Variants in RGS21 observed in about 807,000 individuals in gnomAD.
RGS21 encodes regulator of G protein signaling 21.
In RGS21, 19 loss-of-function variants were observed where a neutral mutation model predicts 18.7. That is an observed-to-expected ratio of 1.01 (90% CI 0.71 to 1.49). The LOEUF (loss-of-function observed/expected upper bound fraction) is 1.49, where lower values mean the gene tolerates loss of function less well. Ranked by LOEUF, RGS21 falls within the 40% of genes most tolerant of loss-of-function variation. The pLI, the probability that RGS21 is intolerant of heterozygous loss-of-function variation, is 0.00. For synonymous variants in RGS21, 56 were observed against 57.8 expected, an observed-to-expected ratio of 0.97 and a Z score of 0.14; for missense variants, 194 against 176.8, an observed-to-expected ratio of 1.10 and a Z score of -0.55.
chr1:192,326,234 A>G (rs1157220945), intron 1 of RGS21, among the ~76,000 whole-genome samples: 1 of 152,096 alleles, frequency 6.6e-6, no homozygotes, highest in Non-Finnish European at 1.5e-5. Context: ...ACTTAATGAT[A>G]TAAAAGTTAT....
At chr1:192,341,468 A>T (rs1332187767) in intron 1 of RGS21, among the ~76,000 whole-genome samples, 1 of 152,112 alleles carries the variant, frequency 6.6e-6, no homozygotes, top group African/African-American at 2.4e-5. Flanking sequence ...AGATACATTG[A>T]ATGCTATAAA....
intron 3 of RGS21, among the ~76,000 whole-genome samples, chr1:192,350,152 T>C (rs1302325307): frequency 6.6e-6 from 1 of 152,132 alleles, no homozygotes; most frequent in Non-Finnish European, 1.5e-5. Context: ...ATAGTGCTCA[T>C]ATATTAACTG....
intron 1 of RGS21, among the ~76,000 whole-genome samples, chr1:192,323,193 C>T (rs143583705): frequency 6.6e-6 from 1 of 152,102 alleles, no homozygotes; most frequent in Admixed American, 6.6e-5. Context: ...AAAGTGTAGT[C>T]ACTCCTTGTT....
rs577797080 is a variant in RGS21 at position 192,338,477 on chromosome 1, C to G, written c.-60-4500C>G. On this transcript the variant is annotated intron_variant, in intron 1 of 4. Transcript: ENST00000417209. The stretch of plus-strand genomic sequence containing the variant: ...AAACATAATATGGGCAAATAACGAT[C>G]AGTGCGATTTTGTGGTGAACTGTCG... 2.6e-5 allele frequency among the ~76,000 whole-genome samples: 4 copies of G among 152,188 alleles called. No homozygotes were observed. The South Asian group carries it at 8.3e-4, about 32-fold the overall frequency.
At chr1:192,347,532 A>T in intron 3 of RGS21, 143 bp downstream of exon 3, 1 of 522,230 alleles carries the variant, frequency 1.9e-6, no homozygotes, top group East Asian at 3.1e-5. Context: ...TAAAAATCCA[A>T]AATCTAAATA....
intron 1 of RGS21, among the ~76,000 whole-genome samples, chr1:192,334,448 A>G (rs1658734781): frequency 6.6e-6 from 1 of 152,158 alleles, no homozygotes; most frequent in Admixed American, 6.5e-5. Flanking sequence ...CTATTTCAGG[A>G]AGAATTAGAT....
chr1:192,323,104 T>C (rs1053730416), intron 1 of RGS21, among the ~76,000 whole-genome samples: 20 of 152,150 alleles, frequency 1.3e-4, no homozygotes, highest in African/African-American at 4.6e-4. Flanking sequence ...GAGACTTCAT[T>C]GTATTGACAC....
At chr1:192,323,366 G>A (rs1658521718) in intron 1 of RGS21, among the ~76,000 whole-genome samples, 1 of 152,144 alleles carries the variant, frequency 6.6e-6, no homozygotes, top group Non-Finnish European at 1.5e-5. Flanking sequence ...CCTTTAGAAA[G>A]GAAAGAGAAG....
chr1:192,347,573 G>T (rs1658971048), intron 3 of RGS21, among the ~76,000 whole-genome samples, 184 bp downstream of exon 3: 1 of 131,658 alleles, frequency 7.6e-6, no homozygotes. Flanking sequence ...TAAGTTTATA[G>T]GTTAACTCTG....
chr1:192,351,796 A>C, intron 3 of RGS21, among the ~76,000 whole-genome samples: 1 of 147,834 alleles, frequency 6.8e-6, no homozygotes, highest in Non-Finnish European at 1.5e-5. Context: ...ACACATATAT[A>C]GCACATATAA....
At chr1:192,348,593 G>A (rs1359651518) in intron 3 of RGS21, among the ~76,000 whole-genome samples, 1 of 151,922 alleles carries the variant, frequency 6.6e-6, no homozygotes, top group Non-Finnish European at 1.5e-5. Flanking sequence ...GGCAATTTTG[G>A]CCAATTATAA....
intron 3 of RGS21, among the ~76,000 whole-genome samples, chr1:192,350,684 G>A (rs1000437879): frequency 1.3e-5 from 2 of 152,168 alleles, no homozygotes; most frequent in Admixed American, 6.6e-5. Flanking sequence ...GACAGCCAGC[G>A]AAAGGGTGCA....
At chr1:192,334,078 T>C (rs1658729374) in intron 1 of RGS21, among the ~76,000 whole-genome samples, 1 of 152,190 alleles carries the variant, frequency 6.6e-6, no homozygotes, top group South Asian at 2.1e-4. Flanking sequence ...ATCATAATTA[T>C]AAAAAGATGT....
intron 4 of RGS21, among the ~76,000 whole-genome samples, chr1:192,360,288 G>T (rs1229536858): frequency 6.6e-6 from 1 of 151,948 alleles, no homozygotes; most frequent in Admixed American, 6.6e-5. Context: ...GTCATCTCTT[G>T]GTTCTTCTCT....
At chr1:192,321,096 C>T (rs1658491622) in intron 1 of RGS21, among the ~76,000 whole-genome samples, 1 of 151,794 alleles carries the variant, frequency 6.6e-6, no homozygotes, top group African/African-American at 2.4e-5. Context: ...AATTCTAAAG[C>T]TAAGACTTCA....
At chr1:192,335,205 A>T (rs1427419392) in intron 1 of RGS21, among the ~76,000 whole-genome samples, 1 of 152,196 alleles carries the variant, frequency 6.6e-6, no homozygotes, top group Non-Finnish European at 1.5e-5. Flanking sequence ...TTTTGGAATC[A>T]GTTAAACCTG....
intron 1 of RGS21, among the ~76,000 whole-genome samples, chr1:192,328,990 T>C (rs950529594): frequency 2.6e-5 from 4 of 152,146 alleles, no homozygotes; most frequent in Non-Finnish European, 5.9e-5. Flanking sequence ...AATTTAAAAT[T>C]ATTTCTCATA....
At chr1:192,324,615 A>G (rs897347377) in intron 1 of RGS21, among the ~76,000 whole-genome samples, 1 of 71,102 alleles carries the variant, frequency 1.4e-5, no homozygotes, top group African/African-American at 9.3e-5. Context: ...GTGTGCGTGC[A>G]CACACACACA....
intron 4 of RGS21, among the ~76,000 whole-genome samples, chr1:192,360,440 A>G (rs1659171469): frequency 6.6e-6 from 1 of 152,076 alleles, no homozygotes; most frequent in South Asian, 2.1e-4. Context: ...CATTCATTCT[A>G]CTTTCTGAAT....
Sources: allele counts gnomAD v4.1 joint callset (sites outside exome capture counted in the v4.1 genomes callset), GRCh38; gene constraint gnomAD v4.1.1; transcripts MANE v1.5; gene names NCBI Gene and HGNC (gene_info 2026-07-23, HGNC 2026-07-21).